DCC: variants seen among roughly 807,000 people sequenced by gnomAD.
DCC encodes netrin receptor DCC.
A neutral mutation model predicts 172.5 loss-of-function variants in DCC; 58 were observed. The ratio of observed to expected loss-of-function variants is 0.34; its 90% CI spans 0.27 to 0.42. The LOEUF (loss-of-function observed/expected upper bound fraction) is 0.42. Among genes scored for constraint, DCC ranks in the 10% least tolerant of loss-of-function variants. The pLI is 1.00. For missense variants in DCC, 1,740 were observed against 1,791.0 expected (o/e 0.97, Z 0.51); for synonymous variants, 709 against 644.5 (o/e 1.10, Z -1.52).
chr18:52,731,946 T>G (rs2036648990), intron 1 of DCC, among the ~76,000 whole-genome samples: 1 of 152,188 alleles, frequency 6.6e-6, no homozygotes, highest in Non-Finnish European at 1.5e-5. Flanking sequence ...AGATAGCTTC[T>G]TAGGAGTGGA....
In DCC at chr18:52,495,341, C is replaced by G. The variant is rs79733564; in HGVS notation, c.91+154463C>G. Among the ~76,000 whole-genome samples, 702 of 152,192 alleles carry G rather than the reference C, an allele frequency of 4.6e-3. 5 individuals carry two copies. Among genetic ancestry groups the G allele is most frequent in the African/African-American group, 0.016 (656 of 41,526 alleles). ...CTGCAGGGCCACAAAAATATTTCTTCTTGTTTCTCTATCCCCACCCATAGT... is the reference window on the plus strand; with the variant it reads ...CTGCAGGGCCACAAAAATATTTCTTGTTGTTTCTCTATCCCCACCCATAGT... On this transcript the variant is annotated intron_variant, in intron 1 of 28. Coordinates refer to ENST00000442544, the MANE Select transcript of DCC (RefSeq NM_005215.4).
intron 1 of DCC, among the ~76,000 whole-genome samples, chr18:52,358,320 G>C (rs1010732626): frequency 2.6e-5 from 4 of 152,146 alleles, no homozygotes. Flanking sequence ...TTATTGAGAT[G>C]GTCTTTGAGC....
intron 21 of DCC, among the ~76,000 whole-genome samples, chr18:53,422,227 A>G (rs1910676224): frequency 6.6e-6 from 1 of 152,130 alleles, no homozygotes. Context: ...ACCAGCACCA[A>G]TTAACTTACT....
At position 52,898,700 on chromosome 18, in the gene DCC, ATT is replaced by A. The variant is rs5824974; in HGVS notation, c.413-7332_413-7331del. 5.3e-4 allele frequency among the ~76,000 whole-genome samples: 79 copies of A among 148,556 alleles called. 1 individual carries two copies. The highest frequency in any genetic ancestry group is 1.9e-3 in the South Asian group (9 of 4,670). ...CATTGCCATGGTGATTTTTTACCTC[ATT>A]TTTTTTTTTTTAGCATCACAAAGGA... is the stretch of plus-strand genomic sequence containing the variant. On this transcript the variant is annotated intron_variant, in intron 2 of 28. Transcript: ENST00000442544.
chr18:52,491,740 G>A (rs2030511624), intron 1 of DCC, among the ~76,000 whole-genome samples: 1 of 151,998 alleles, frequency 6.6e-6, no homozygotes, highest in Non-Finnish European at 1.5e-5. Context: ...TATGCAATAT[G>A]GGAGAAGGGA....
At chr18:53,393,914 C>CCTCTCTCTCTCTCTCTCT (rs1323959382) in intron 17 of DCC, among the ~76,000 whole-genome samples, 14,525 of 107,904 alleles carry the variant, frequency 0.13, 769 homozygotes, top group East Asian at 0.21. Flanking sequence ...TCTCTCTCTC[C>CCTCTCTCTCTCTCTCTCT]CTCTCTCCCT....
chr18:53,461,753 A>C (rs556833740), intron 24 of DCC, among the ~76,000 whole-genome samples: 2 of 152,362 alleles, frequency 1.3e-5, no homozygotes, highest in East Asian at 3.9e-4. Context: ...ATGATGTCTT[A>C]GGCAGATTTC....
At chr18:53,382,230 G>A (rs957545576) in intron 15 of DCC, among the ~76,000 whole-genome samples, 24 of 152,008 alleles carry the variant, frequency 1.6e-4, no homozygotes, top group Admixed American at 1.4e-3. Flanking sequence ...CTGCAAAAAG[G>A]CAATTTTAAA....
intron 1 of DCC, among the ~76,000 whole-genome samples, chr18:52,381,378 A>T (rs903464509): frequency 6.6e-6 from 1 of 152,294 alleles, no homozygotes. Flanking sequence ...AGAAAACCTT[A>T]TCAAATAATA....
intron 7 of DCC, among the ~76,000 whole-genome samples, chr18:53,100,026 A>C (rs937195944): frequency 1.4e-5 from 2 of 143,440 alleles, no homozygotes; most frequent in African/African-American, 5.3e-5. Context: ...AGCTCACTGC[A>C]ACCTCCACCT....
At chr18:53,047,428 C>CATATATAT (rs58797605) in intron 5 of DCC, among the ~76,000 whole-genome samples, 1,073 of 50,016 alleles carry the variant, frequency 0.021, 78 homozygotes, top group Non-Finnish European at 0.029. Flanking sequence ...ATATATTTTA[C>CATATATAT]ATATATATAT....
At position 52,948,933 on chromosome 18, in the gene DCC, A is replaced by G. The variant is rs1480606449; in HGVS notation, c.985+23563A>G. On this transcript the variant is annotated intron_variant, in intron 5 of 28. Coordinates refer to ENST00000442544, the MANE Select transcript of DCC (RefSeq NM_005215.4). ...TGGCCAAATCAAGGTTCAAACCCAG[A>G]TCAGTGCAACTCTAGATGTCATGCT... Among the ~76,000 whole-genome samples the G allele has an allele frequency of 2.6e-5, 4 of 152,304 alleles. No homozygotes were observed. The East Asian group carries it at 7.7e-4, about 29-fold the overall frequency.
chr18:53,233,568 C>T (rs2056155017), intron 12 of DCC, among the ~76,000 whole-genome samples: 1 of 152,024 alleles, frequency 6.6e-6, no homozygotes, highest in South Asian at 2.1e-4. Context: ...AAAGCCATAA[C>T]AAAAATGAGT....
intron 5 of DCC, among the ~76,000 whole-genome samples, chr18:52,989,536 T>A (rs1284717995): frequency 1.3e-5 from 2 of 152,034 alleles, no homozygotes. Flanking sequence ...AGAAAAAAAA[T>A]TGTTTCCTTG....
chr18:52,968,619 C>T (rs1489783920), intron 5 of DCC, among the ~76,000 whole-genome samples: 1 of 152,094 alleles, frequency 6.6e-6, no homozygotes, highest in East Asian at 1.9e-4. Context: ...ATCCACTCAT[C>T]AGCAATGGAA....
At chr18:52,662,185 T>A (rs930704849) in intron 1 of DCC, among the ~76,000 whole-genome samples, 19 of 152,316 alleles carry the variant, frequency 1.2e-4, no homozygotes, top group Non-Finnish European at 1.2e-4. Flanking sequence ...AGGTCTAGAA[T>A]TCAACCTAGG....
intron 12 of DCC, among the ~76,000 whole-genome samples, chr18:53,305,060 C>T (rs1327084230): frequency 6.6e-6 from 1 of 152,152 alleles, no homozygotes; most frequent in Non-Finnish European, 1.5e-5. Flanking sequence ...TTGCCTGCTG[C>T]CATGTAAGAC....
chr18:52,788,414 AC>A (rs1254237659), intron 2 of DCC, among the ~76,000 whole-genome samples: 1 of 152,116 alleles, frequency 6.6e-6, no homozygotes, highest in Admixed American at 6.6e-5. Flanking sequence ...CCCAGGCCTT[AC>A]CTATCTGTAA....
intron 2 of DCC, among the ~76,000 whole-genome samples, chr18:52,876,058 A>G (rs1021158645): frequency 5.3e-5 from 8 of 152,040 alleles, no homozygotes; most frequent in Non-Finnish European, 8.8e-5. Flanking sequence ...CTGATCTAGT[A>G]TTTTGATGTT....
Sources: allele counts gnomAD v4.1 joint callset (sites outside exome capture counted in the v4.1 genomes callset), GRCh38; gene constraint gnomAD v4.1.1; transcripts MANE v1.5; gene names NCBI Gene and HGNC (gene_info 2026-07-23, HGNC 2026-07-21).